The following PCDHA9 variants were observed in gnomAD, a reference collection of about 807,000 sequenced individuals.
PCDHA9 encodes protocadherin alpha-9.
A neutral mutation model predicts 62.0 loss-of-function variants in PCDHA9; 62 were observed. The observed-to-expected ratio is 1.00, with a 90% CI of 0.81 to 1.23. The LOEUF (loss-of-function observed/expected upper bound fraction) is 1.23, where lower values mean the gene tolerates loss of function less well. PCDHA9 is among the 50% of genes most tolerant of loss of function. The pLI, the probability that PCDHA9 is intolerant of heterozygous loss-of-function variation, is 0.00. For missense variants in PCDHA9, 1,205 were observed against 1,249.8 expected, an observed-to-expected ratio of 0.96 and a Z score of 0.54; for synonymous variants, 557 against 567.6, an observed-to-expected ratio of 0.98 and a Z score of 0.27.
In PCDHA9 at chr5:140,967,305, A is replaced by G. The variant is rs782005994; in HGVS notation, c.2395-11644A>G. On this transcript the variant is annotated intron_variant, in intron 1 of 3. Transcript: ENST00000532602. ...GCGCAGGACCCCGACGTGGGCGCCA[A>G]CTCAGTACAGACCTACGAGCTCAGC... The G allele has an allele frequency of 5.7e-5, 92 of 1,612,346 alleles. 1 individual carries two copies. The South Asian group carries it at 9.7e-4, about 17-fold the overall frequency.
chr5:140,876,455 C>G, intron 1 of PCDHA9: 1 of 1,613,992 alleles, frequency 6.2e-7, no homozygotes, highest in Non-Finnish European at 8.5e-7. Context: ...AAAGGGATTC[C>G]TTCCATGGCA....
intron 1 of PCDHA9, chr5:140,966,947 G>A (rs782439197): frequency 6.2e-7 from 1 of 1,603,520 alleles, no homozygotes; most frequent in Middle Eastern, 1.7e-4. Context: ...CGTGGGCAAC[G>A]TGGCTCGCGC....
intron 2 of PCDHA9, among the ~76,000 whole-genome samples, chr5:140,980,822 T>A (rs1433488208): frequency 6.6e-6 from 1 of 152,204 alleles, no homozygotes; most frequent in Non-Finnish European, 1.5e-5. Flanking sequence ...ACATATTAAA[T>A]GAGTTGTGAA....
intron 1 of PCDHA9, chr5:140,871,259 C>A (rs1554165338): frequency 3.1e-6 from 5 of 1,613,958 alleles, no homozygotes; most frequent in Non-Finnish European, 4.2e-6. Context: ...CTGTATACGG[C>A]GCTGTGGTGG....
At chr5:141,000,011 C>T (rs548995159) in intron 3 of PCDHA9, among the ~76,000 whole-genome samples, 1 of 152,166 alleles carries the variant, frequency 6.6e-6, no homozygotes, top group East Asian at 1.9e-4. Flanking sequence ...TTGGCCTCCC[C>T]ATTGCTAAGC....
chr5:140,922,176 CA>C (rs3836750), intron 1 of PCDHA9, among the ~76,000 whole-genome samples: 49,174 of 150,706 alleles, frequency 0.33, 8,259 homozygotes, highest in East Asian at 0.53. Context: ...GTACAGCAGA[CA>C]AAAAAAAAGT....
At chr5:140,918,940 A>C (rs541337613) in intron 1 of PCDHA9, among the ~76,000 whole-genome samples, 51 of 152,328 alleles carry the variant, frequency 3.3e-4, no homozygotes, top group African/African-American at 1.2e-3. Flanking sequence ...TTTTGTTATA[A>C]TATCCTGAAC....
intron 1 of PCDHA9, chr5:140,870,381 G>T: frequency 6.2e-7 from 1 of 1,614,214 alleles, no homozygotes; most frequent in African/African-American, 1.3e-5. Flanking sequence ...TGGTGACTGC[G>T]CGGGATGGGG....
intron 1 of PCDHA9, among the ~76,000 whole-genome samples, chr5:140,897,014 A>G (rs545411496): frequency 1.3e-3 from 202 of 152,284 alleles, no homozygotes; most frequent in Non-Finnish European, 2.0e-3. Context: ...TAAATATACA[A>G]CTAAATTATT....
intron 1 of PCDHA9, chr5:140,884,108 G>A (rs782424793): frequency 3.1e-6 from 5 of 1,613,286 alleles, no homozygotes; most frequent in Admixed American, 3.3e-5. Context: ...ATTGCAGCTG[G>A]CGGCGGTCGG....
chr5:140,869,344 A>C (rs540952410), intron 1 of PCDHA9: 1 of 1,613,872 alleles, frequency 6.2e-7, no homozygotes, highest in Non-Finnish European at 8.5e-7. Flanking sequence ...AAATCTGCAG[A>C]ATGGCATTTT....
rs782691695 is a variant in PCDHA9, at chr5:140,863,160, G to C, written c.2394+12271G>C. The C allele has an allele frequency of 6.2e-6, 4 of 647,644 alleles. No individual in the cohort carries two copies. The Admixed American group carries it at 7.5e-5, about 12-fold the overall frequency. 40.1% of individuals were successfully genotyped at this position (647,644 alleles called of 1,614,324 possible). A position where few individuals can be genotyped will look rare whatever the true frequency, so the allele number is the denominator to read the frequency against. ...TGGTGCTGGTGAAGGACCACTGCGA[G>C]CTGGCGCTGACTGCCACCGTCACCG... On this transcript the variant is annotated intron_variant, in intron 1 of 3. Transcript: ENST00000532602.
intron 1 of PCDHA9, chr5:140,884,140 G>C: frequency 6.2e-7 from 1 of 1,613,412 alleles, no homozygotes; most frequent in Non-Finnish European, 8.5e-7. Context: ...CGTTCCGCGT[G>C]GGGCTGTACA....
At chr5:140,868,963 A>G in intron 1 of PCDHA9, 2 of 1,423,054 alleles carry the variant, frequency 1.4e-6, no homozygotes, top group Non-Finnish European at 1.9e-6. Context: ...TCCCATACAA[A>G]GGAACTCCAT....
chr5:140,954,737 T>C (rs1208625491), intron 1 of PCDHA9, among the ~76,000 whole-genome samples: 38 of 152,210 alleles, frequency 2.5e-4, no homozygotes, highest in Non-Finnish European at 1.5e-5. Flanking sequence ...TTCACTCTGA[T>C]GATAGTTTCT....
At chr5:140,906,253 A>C (rs1049653184) in intron 1 of PCDHA9, among the ~76,000 whole-genome samples, 5 of 152,064 alleles carry the variant, frequency 3.3e-5, no homozygotes, top group South Asian at 2.1e-4. Flanking sequence ...ACCCATACAC[A>C]CCTCCTGAAA....
At chr5:140,957,373 T>G (rs906109440) in intron 1 of PCDHA9, among the ~76,000 whole-genome samples, 1 of 152,192 alleles carries the variant, frequency 6.6e-6, no homozygotes, top group Non-Finnish European at 1.5e-5. Flanking sequence ...ACTTTTATTA[T>G]AGTGTATTGT....
chr5:140,946,527 G>A (rs1414920308), intron 1 of PCDHA9, among the ~76,000 whole-genome samples: 1 of 150,718 alleles, frequency 6.6e-6, no homozygotes, highest in Non-Finnish European at 1.5e-5. Flanking sequence ...GCACTCCCAT[G>A]TTCATTGCAG....
intron 1 of PCDHA9, among the ~76,000 whole-genome samples, chr5:140,941,211 C>CT (rs59928198): frequency 0.24 from 30,589 of 127,372 alleles, 3,669 homozygotes; most frequent in South Asian, 0.38. Context: ...TCCTTTCTTT[C>CT]TTCCTTTCTT....
Sources: allele counts gnomAD v4.1 joint callset (sites outside exome capture counted in the v4.1 genomes callset), GRCh38; gene constraint gnomAD v4.1.1; transcripts MANE v1.5; gene names NCBI Gene and HGNC (gene_info 2026-07-23, HGNC 2026-07-21).